Variants in ROBO4 observed in about 807,000 individuals in gnomAD.
ROBO4 encodes the protein roundabout guidance receptor 4, also known as roundabout homolog 4.
In ROBO4, 80 loss-of-function variants were observed where a neutral mutation model predicts 103.3. The ratio of observed to expected loss-of-function variants is 0.77; its 90% CI spans 0.65 to 0.93. The LOEUF (loss-of-function observed/expected upper bound fraction) is 0.93. Among genes scored for constraint, ROBO4 ranks in the 40% least tolerant of loss-of-function variants. The pLI is 0.00. For missense variants in ROBO4, 1,333 were observed against 1,305.3 expected (o/e 1.02, Z -0.33); for synonymous variants, 504 against 529.7 (o/e 0.95, Z 0.67).
chr11:124,889,151 C>T (rs1396823425), intron 12 of ROBO4, among the ~76,000 whole-genome samples: 1 of 152,202 alleles, frequency 6.6e-6, no homozygotes, highest in African/African-American at 2.4e-5. Flanking sequence ...AGACTCCCTC[C>T]GTCAAAGTTT....
chr11:124,893,714 G>T lies in ROBO4; in HGVS notation c.1521C>A (p.Thr507=). 2 of 1,613,980 alleles carry T rather than the reference G, an allele frequency of 1.2e-6. No homozygotes were observed. Among genetic ancestry groups the T allele is most frequent in the Non-Finnish European group, 1.7e-6 (2 of 1,179,972 alleles). The change falls in exon 10 of 18, where the codon ACC becomes ACA. Residue 507 remains threonine (T), a synonymous_variant. Transcript: ENST00000306534. ...VHLGPGLYRY[T]SEDAILKHRM... The stretch of plus-strand genomic sequence containing the variant: ...TGTGTTTTAGGATGGCATCCTCACT[G>T]GTATATCTGTACAGACCTGGGAGAA...
chr11:124,887,349 C>A lies in ROBO4; in HGVS notation c.2198+9G>T. ...CCCAGCCCTGCTTCCCGACCCCATG[C>A]CCTCTTACTGGGTCTGTTGACTCTG... is the stretch of plus-strand genomic sequence containing the variant. On this transcript the variant is annotated intron_variant, in intron 14 of 17. Transcript: ENST00000306534. 6.2e-7 allele frequency: 1 copy of A among 1,613,930 alleles called. No homozygotes were observed. The highest frequency in any genetic ancestry group is 8.5e-7 in the Non-Finnish European group (1 of 1,179,888).
At chr11:124,896,098 A>G in intron 4 of ROBO4, 100 bp downstream of exon 4, 1 of 1,550,402 alleles carries the variant, frequency 6.4e-7, no homozygotes, top group Non-Finnish European at 8.7e-7. Flanking sequence ...CAGCACTTTG[A>G]CCCTGACCCC....
Position 124,887,626 on chromosome 11 carries a change from C to T in ROBO4, c.2056+107G>A. The T allele has an allele frequency of 2.6e-6, 4 of 1,542,236 alleles. No individual in the cohort carries two copies. The South Asian group carries it at 3.5e-5, about 13-fold the overall frequency. On this transcript the variant is annotated intron_variant, in intron 13 of 17. Transcript: ENST00000306534. ...ACTCCATCCAACCCTCATCAGCCTC[C>T]TCAGGGAAAGGAGGATGAGCCCGTG...
At chr11:124,896,492 G>C (rs756580878) in intron 3 of ROBO4, 21 bp downstream of exon 3, 7 of 1,611,444 alleles carry the variant, frequency 4.3e-6, no homozygotes, top group African/African-American at 4.0e-5. Context: ...GATGAAGTGT[G>C]GGGGAGGGGG....
intron 10 of ROBO4, among the ~76,000 whole-genome samples, chr11:124,893,294 G>A (rs1245569489): frequency 6.6e-6 from 1 of 152,206 alleles, no homozygotes; most frequent in Admixed American, 6.5e-5. Context: ...GGTGGACTAT[G>A]ATGTAGGCAC....
intron 16 of ROBO4, 35 bp from the exon 17 acceptor site, chr11:124,885,282 G>T: frequency 6.3e-7 from 1 of 1,576,678 alleles, no homozygotes; most frequent in Non-Finnish European, 8.6e-7. Flanking sequence ...GTGGGAGGTT[G>T]ACCTTCAGCC....
chr11:124,895,617 G>A lies in ROBO4; in HGVS notation c.876C>T (p.Gly292=). The A allele has an allele frequency of 6.2e-7, 1 of 1,613,806 alleles. No individual in the cohort carries two copies. The highest frequency in any genetic ancestry group is 8.5e-7 in the Non-Finnish European group (1 of 1,180,032). ...ALFRTQTAPG[G]QGAPWAEELL... is the part of the protein sequence containing the mutation. ...GCTCCTCTGCCCACGGAGCTCCCTG[G>A]CCTCCCGGGGCAGTCTGGGTCCTGA... Residue 292 remains glycine (G), a synonymous_variant, in exon 6 of 18, where the codon GGC becomes GGT. Transcript: ENST00000306534.
chr11:124,897,290 C>A, intron 1 of ROBO4, 29 bp from the exon 2 acceptor site: 1 of 1,406,462 alleles, frequency 7.1e-7, no homozygotes, highest in South Asian at 1.5e-5. Context: ...AGAGCCCAGT[C>A]TGATCACCAG....
At chr11:124,893,599 A>T in intron 10 of ROBO4, 89 bp downstream of exon 10, 2 of 1,188,244 alleles carry the variant, frequency 1.7e-6, no homozygotes, top group Non-Finnish European at 2.5e-6. Flanking sequence ...ACTCCCTGGC[A>T]GGTAGACTAG....
At chr11:124,888,991 A>G (rs1356813541) in intron 12 of ROBO4, among the ~76,000 whole-genome samples, 1 of 152,198 alleles carries the variant, frequency 6.6e-6, no homozygotes, top group Non-Finnish European at 1.5e-5. Flanking sequence ...GGGTAGAGCT[A>G]TCTAGTCAGT....
rs954070993 is a variant in ROBO4, at chr11:124,884,264, G to A, written c.*627C>T. 1.3e-5 allele frequency: 2 copies of A among 152,380 alleles called. No individual in the cohort carries two copies. Among genetic ancestry groups the A allele is most frequent in the East Asian group, 3.9e-4 (2 of 5,194 alleles). The allele number at this position is 152,380 out of a possible 1,614,324, so 9.4% of individuals were successfully genotyped here. On this transcript the variant is annotated 3_prime_UTR_variant, in exon 18 of 18. Transcript: ENST00000306534. Reference sequence around the variant, plus strand: ...GTATCAAATTTCTTAAGCTCATAGTGACAACAGTACGAGGATGGTGCTTTT... The same window carrying A: ...GTATCAAATTTCTTAAGCTCATAGTAACAACAGTACGAGGATGGTGCTTTT...
Position 124,884,791 on chromosome 11 carries a change from A to C in ROBO4, c.*100T>G. The C allele has an allele frequency of 7.5e-7, 1 of 1,336,574 alleles. No individual in the cohort carries two copies. The highest frequency in any genetic ancestry group is 1.1e-6 in the Non-Finnish European group (1 of 929,316). The allele number at this position is 1,336,574 out of a possible 1,614,324, so 82.8% of individuals were successfully genotyped here. On this transcript the variant is annotated 3_prime_UTR_variant, in exon 18 of 18. Transcript: ENST00000306534. ...GCTTGGGAAGGTGGACCCCAGCTGC[A>C]GAGAAACACAGGCCAAGACCCACAC...
At position 124,895,654 on chromosome 11, in the gene ROBO4, T is replaced by G. The variant is rs755747435; in HGVS notation, c.839A>C (p.Tyr280Ser). 17 of 1,613,512 alleles carry G rather than the reference T, an allele frequency of 1.1e-5. No individual in the cohort carries two copies. Among genetic ancestry groups the G allele is most frequent in the Non-Finnish European group, 1.4e-5 (17 of 1,179,750 alleles). Residue 280 changes from tyrosine (Y) to serine (S), a missense_variant, in exon 6 of 18, where the codon TAC becomes TCC. By Grantham distance (144) the Tyr-to-Ser change is moderately radical. Transcript: ENST00000306534. ...AGTCTGGGTCCTGAACAAGGCCGTG[T>G]AAGATTGGGCAGGCGCAGCAGGGCC... ...VSGPAAPAQS[Y>S]TALFRTQTAP...
At position 124,895,820 on chromosome 11, in the gene ROBO4, G is replaced by T; in HGVS notation, c.772C>A (p.Pro258Thr). 6.2e-7 allele frequency: 1 copy of T among 1,614,136 alleles called. No individual in the cohort carries two copies. The highest frequency in any genetic ancestry group is 1.3e-5 in the African/African-American group (1 of 75,028). The change falls in exon 5 of 18, where the codon CCC (proline) becomes ACC (threonine). Residue 258 changes from proline (P) to threonine (T), a missense_variant. Physicochemically the swap from Pro to Thr is conservative, Grantham distance 38. Transcript: ENST00000306534. ...TLLNPDPAEG[P>T]KPRPAVWLSW... is the part of the protein sequence containing the mutation. ...AGCCACACCGCCGGTCTAGGCTTGG[G>T]GCCCTCTGCAGGATCCGGGTTCAGC...
At position 124,891,372 on chromosome 11, in the gene ROBO4, G is replaced by A. The variant is rs1424596376; in HGVS notation, c.1875C>T (p.Cys625=). Residue 625 remains cysteine (C), a synonymous_variant, in exon 12 of 18, where the codon TGC becomes TGT. Coordinates refer to ENST00000306534, the MANE Select transcript of ROBO4 (RefSeq NM_019055.6). ...GGGGAGAAGAGAGTCCCCTGCGGCT[G>A]CAGAGGCTGTCTGAGCTGGAACAGG... ...SSPCSSSDSL[C]SRRGLSSPRL... The A allele has an allele frequency of 3.9e-6, 6 of 1,555,118 alleles. No individual in the cohort carries two copies. The highest frequency in any genetic ancestry group is 1.8e-4 in the Middle Eastern group (1 of 5,462).
intron 2 of ROBO4, 84 bp downstream of exon 2, chr11:124,896,848 C>T: frequency 6.5e-7 from 1 of 1,544,612 alleles, no homozygotes; most frequent in Non-Finnish European, 8.7e-7. Context: ...ATCCCACTGA[C>T]CTCTCAGATG....
chr11:124,887,274 C>G (rs1202816021), intron 14 of ROBO4, 61 bp from the exon 15 acceptor site: 11 of 1,599,038 alleles, frequency 6.9e-6, no homozygotes, highest in African/African-American at 4.0e-5. Context: ...TCCTTTCCCC[C>G]CTTCCCCAGC....
chr11:124,886,662 G>C lies in ROBO4; in HGVS notation c.2596C>G (p.Pro866Ala). 2 of 1,613,858 alleles carry C rather than the reference G, an allele frequency of 1.2e-6. No homozygotes were observed. Among genetic ancestry groups the C allele is most frequent in the Non-Finnish European group, 1.7e-6 (2 of 1,179,764 alleles). ...GCTAAGGAGCCCTCGCTGGGGGTGG[G>C]GGTGAGGCAGGGCCGAGGTGGGCAC... ...LLCPPRPCLT[P>A]TPSEGSLANG... Residue 866 changes from proline to alanine, a missense_variant, in exon 16 of 18, where the codon CCC becomes GCC. Coordinates refer to ENST00000306534, the MANE Select transcript of ROBO4 (RefSeq NM_019055.6).
Sources: gnomAD v4.1 joint callset for allele counts (sites outside exome capture counted in the v4.1 genomes callset) on GRCh38, gnomAD v4.1.1 for gene constraint, MANE v1.5 for transcripts, NCBI Gene and HGNC (gene_info 2026-07-23, HGNC 2026-07-21) for gene names.